Variants in CNTNAP5 observed in about 807,000 individuals in gnomAD.
CNTNAP5 encodes contactin associated protein family member 5, also known as contactin-associated protein-like 5.
In CNTNAP5, 72 loss-of-function variants were observed where a neutral mutation model predicts 150.2. That is an observed-to-expected ratio of 0.48 (90% confidence interval 0.40 to 0.58). The LOEUF (loss-of-function observed/expected upper bound fraction) is 0.58, where lower values mean the gene tolerates loss of function less well. CNTNAP5 is among the 20% of genes least tolerant of loss of function. The pLI is 0.00. For missense variants in CNTNAP5, 1,636 were observed against 1,626.2 expected (o/e 1.01, Z -0.10); for synonymous variants, 672 against 619.8 (o/e 1.08, Z -1.25).
chr2:124,625,328 G>A (rs1677697900), intron 12 of CNTNAP5, among the ~76,000 whole-genome samples: 1 of 151,918 alleles, frequency 6.6e-6, no homozygotes, highest in South Asian at 2.1e-4. Flanking sequence ...ATAAAGCAGA[G>A]GTTCACAAAG....
chr2:124,488,863 GCA>G (rs1693953077), intron 7 of CNTNAP5, among the ~76,000 whole-genome samples: 1 of 152,164 alleles, frequency 6.6e-6, no homozygotes, highest in East Asian at 1.9e-4. Flanking sequence ...GAGATCTGTT[GCA>G]CAGTCTGACT....
rs1682931325 is a variant in CNTNAP5, at chr2:124,840,903, A to T, written c.3218-24403A>T. On this transcript the variant is annotated intron_variant, in intron 19 of 23. Coordinates refer to ENST00000682447, the MANE Select transcript of CNTNAP5 (RefSeq NM_001367498.1). ...GCAAGGAAAACATGAGGACCAAGCAATGTGCAGACCATTCTGACCAAGTTA... is the reference window on the plus strand; with the variant it reads ...GCAAGGAAAACATGAGGACCAAGCATTGTGCAGACCATTCTGACCAAGTTA... Among the ~76,000 whole-genome samples the T allele has an allele frequency of 2.6e-5, 4 of 152,120 alleles. No homozygotes were observed. The South Asian group carries it at 8.3e-4, about 31-fold the overall frequency.
intron 11 of CNTNAP5, among the ~76,000 whole-genome samples, chr2:124,575,526 G>A (rs539506263): frequency 8.5e-5 from 13 of 152,208 alleles, no homozygotes; most frequent in Admixed American, 2.0e-4. Context: ...AGCATGTTCC[G>A]TTTTTCTTAT....
At chr2:124,707,465 A>G (rs1679715371) in intron 13 of CNTNAP5, among the ~76,000 whole-genome samples, 1 of 152,210 alleles carries the variant, frequency 6.6e-6, no homozygotes, top group African/African-American at 2.4e-5. Flanking sequence ...ACATTATTTC[A>G]TTATCTAAAT....
intron 3 of CNTNAP5, among the ~76,000 whole-genome samples, chr2:124,303,562 T>G (rs1688615315): frequency 6.6e-6 from 1 of 152,222 alleles, no homozygotes; most frequent in African/African-American, 2.4e-5. Flanking sequence ...TCTCTGTTTC[T>G]TTAAAACATC....
intron 3 of CNTNAP5, among the ~76,000 whole-genome samples, chr2:124,412,607 C>G (rs2104771576): frequency 6.7e-6 from 1 of 148,816 alleles, no homozygotes; most frequent in South Asian, 2.2e-4. Flanking sequence ...TTTGACAAAC[C>G]TGAGAAAAAC....
intron 3 of CNTNAP5, among the ~76,000 whole-genome samples, chr2:124,279,252 T>C (rs1236005672): frequency 1.3e-5 from 2 of 151,274 alleles, no homozygotes; most frequent in African/African-American, 2.4e-5. Context: ...TGTGTGTCTG[T>C]GTGTGTGTGT....
intron 1 of CNTNAP5, among the ~76,000 whole-genome samples, chr2:124,184,092 C>T (rs1434245772): frequency 6.6e-6 from 1 of 151,942 alleles, no homozygotes; most frequent in Admixed American, 6.6e-5. Context: ...TTGGGGAGTT[C>T]GAGGGAGGTC....
Position 124,773,023 on chromosome 2 carries a change from G to A in CNTNAP5, c.2752+6G>A, listed in dbSNP as rs766189169. 5.0e-6 allele frequency: 8 copies of A among 1,610,714 alleles called. No individual in the cohort carries two copies. The Admixed American group carries it at 1.0e-4, about 20-fold the overall frequency. ...GAACAGCCAGTTGTTTGTAGGTAGG[G>A]GACATCTTAAGGCTCCTTTTGTGCT... is the stretch of plus-strand genomic sequence containing the variant. On this transcript the variant is annotated splice_donor_region_variant and intron_variant, in intron 17 of 23. Coordinates refer to ENST00000682447, the MANE Select transcript of CNTNAP5 (RefSeq NM_001367498.1).
At chr2:124,078,317 C>A (rs1260492806) in intron 1 of CNTNAP5, among the ~76,000 whole-genome samples, 1 of 152,128 alleles carries the variant, frequency 6.6e-6, no homozygotes, top group Admixed American at 6.5e-5. Flanking sequence ...TTGTTATGCA[C>A]TTGTAATAGC....
At chr2:124,631,566 A>G (rs1014755451) in intron 12 of CNTNAP5, among the ~76,000 whole-genome samples, 1 of 152,198 alleles carries the variant, frequency 6.6e-6, no homozygotes, top group Non-Finnish European at 1.5e-5. Flanking sequence ...TTATACAAAA[A>G]TCAACTCAAG....
intron 8 of CNTNAP5, among the ~76,000 whole-genome samples, chr2:124,517,709 G>T (rs1197164973): frequency 7.1e-6 from 1 of 141,798 alleles, no homozygotes; most frequent in African/African-American, 2.6e-5. Context: ...TTGTGGTGGT[G>T]ATGGGGGTTG....
At chr2:124,187,023 G>A (rs954091570) in intron 1 of CNTNAP5, among the ~76,000 whole-genome samples, 3 of 152,132 alleles carry the variant, frequency 2.0e-5, no homozygotes, top group Admixed American at 6.5e-5. Context: ...ACACTTAGGA[G>A]GGCTAAGGTA....
At chr2:124,875,698 G>GTTTT (rs5834090) in intron 21 of CNTNAP5, among the ~76,000 whole-genome samples, 1 of 126,782 alleles carries the variant, frequency 7.9e-6, no homozygotes. Flanking sequence ...AACCATGAGG[G>GTTTT]TTTTTTTTTT....
intron 3 of CNTNAP5, among the ~76,000 whole-genome samples, chr2:124,409,772 C>A (rs1691694096): frequency 6.6e-6 from 1 of 151,898 alleles, no homozygotes; most frequent in Non-Finnish European, 1.5e-5. Flanking sequence ...GCTGCAAAAT[C>A]AAGCCAAAAT....
chr2:124,810,343 G>T (rs1231741298), intron 19 of CNTNAP5, among the ~76,000 whole-genome samples: 1 of 152,146 alleles, frequency 6.6e-6, no homozygotes, highest in East Asian at 1.9e-4. Context: ...GCTCCCTCGT[G>T]TGGCTGTTGA....
At chr2:124,585,375 C>T (rs1251471105) in intron 11 of CNTNAP5, among the ~76,000 whole-genome samples, 1 of 152,170 alleles carries the variant, frequency 6.6e-6, no homozygotes, top group Non-Finnish European at 1.5e-5. Flanking sequence ...GCATACTATC[C>T]TGGCAAAACA....
At chr2:124,168,498 G>A (rs972404277) in intron 1 of CNTNAP5, among the ~76,000 whole-genome samples, 4 of 152,150 alleles carry the variant, frequency 2.6e-5, no homozygotes, top group African/African-American at 9.7e-5. Context: ...ACATTCAGAT[G>A]GATGTTAAGA....
chr2:124,169,988 T>C (rs1206631960), intron 1 of CNTNAP5, among the ~76,000 whole-genome samples: 2 of 152,084 alleles, frequency 1.3e-5, no homozygotes, highest in African/African-American at 4.8e-5. Flanking sequence ...AGACCAGGAG[T>C]AGCCTCAGTA....
Sources: gnomAD v4.1 joint callset for allele counts (sites outside exome capture counted in the v4.1 genomes callset) on GRCh38, gnomAD v4.1.1 for gene constraint, MANE v1.5 for transcripts, NCBI Gene and HGNC (gene_info 2026-07-23, HGNC 2026-07-21) for gene names.